SLC12A7: variants seen among roughly 807,000 people sequenced by gnomAD.
SLC12A7 encodes K-Cl cotransporter 4.
SLC12A7 carries 100 observed loss-of-function variants against 120.6 expected under a neutral mutation model. The ratio of observed to expected loss-of-function variants is 0.83; its 90% CI spans 0.71 to 0.98. The LOEUF (loss-of-function observed/expected upper bound fraction) is 0.98. Ranked by LOEUF, SLC12A7 falls within the 50% of genes least tolerant of loss-of-function variation. SLC12A7 has a pLI of 0.00. For synonymous variants in SLC12A7, 760 were observed against 678.0 expected (o/e 1.12, Z -1.88); for missense variants, 1,373 against 1,548.1 (o/e 0.89, Z 1.90).
the SLC12A7 span, among the ~76,000 whole-genome samples, chr5:1,153,790 C>G: frequency 1.1e-3 from 163 of 152,294 alleles, no homozygotes; most frequent in Non-Finnish European, 2.0e-3. Context: ...AACGTGCACC[C>G]TGGTGAGCAG....
intron 20 of SLC12A7, 103 bp from the exon 21 acceptor site, chr5:1,060,554 A>T: frequency 2.3e-6 from 2 of 858,468 alleles, no homozygotes; most frequent in Non-Finnish European, 3.8e-6. Flanking sequence ...GAGCGGTGGG[A>T]AAGGCCACGC....
the SLC12A7 span, among the ~76,000 whole-genome samples, chr5:1,140,294 C>T: frequency 5.3e-5 from 8 of 152,330 alleles, no homozygotes; most frequent in African/African-American, 1.7e-4. Context: ...ACATCCCAGG[C>T]GATGAGGCAT....
chr5:1,144,191 C>T, the SLC12A7 span, among the ~76,000 whole-genome samples: 3 of 152,248 alleles, frequency 2.0e-5, no homozygotes, highest in South Asian at 2.1e-4. Flanking sequence ...TGGACGCACC[C>T]GCCAACCTCA....
intron 1 of SLC12A7, among the ~76,000 whole-genome samples, chr5:1,099,852 C>A (rs35801134): frequency 0.36 from 54,920 of 152,078 alleles, 11,470 homozygotes; most frequent in Non-Finnish European, 0.47. Context: ...CCCTTCACAA[C>A]CACCACGGTC....
intron 8 of SLC12A7, among the ~76,000 whole-genome samples, chr5:1,083,439 C>T (rs888240209): frequency 9.2e-5 from 14 of 152,232 alleles, no homozygotes; most frequent in African/African-American, 3.1e-4. Flanking sequence ...GCTACCACTC[C>T]CTTCTTAACA....
At chr5:1,123,231 C>T in the SLC12A7 span, among the ~76,000 whole-genome samples, 10 of 152,178 alleles carry the variant, frequency 6.6e-5, no homozygotes, top group Non-Finnish European at 1.5e-4. Flanking sequence ...GAGGCAGTGG[C>T]TTGCCCTGGG....
rs1345330493 is a variant in SLC12A7 at position 1,061,056 on chromosome 5, CCGCCG to C, written c.2740-610_2740-606del. On this transcript the variant is annotated intron_variant, in intron 20 of 23. Transcript: ENST00000264930. ...GCCGTGCGGGATCCCTGAGTCTCAC[CCGCCG>C]CACCCGCCGCACCTGCCGCATCCGC... Among the ~76,000 whole-genome samples the C allele has an allele frequency of 2.5e-3, 312 of 125,318 alleles. 5 individuals are homozygous for C. Among genetic ancestry groups the C allele is most frequent in the East Asian group, 6.3e-3 (25 of 3,964 alleles). The allele number at this position is 125,318 out of a possible 152,430, so 82.2% of individuals were successfully genotyped here.
chr5:1,065,409 G>A lies in SLC12A7; in HGVS notation c.2311C>T (p.Arg771Trp), dbSNP rs750031509. 33 of 1,612,320 alleles carry A rather than the reference G, an allele frequency of 2.0e-5. No individual in the cohort carries two copies. The highest frequency in any genetic ancestry group is 4.4e-5 in the South Asian group (4 of 91,014). ...TGGATCAGGTGGGACATGCCATCCC[G>A]CAGGCTGGACGAGACCACCAGCTGG... ...FCQLVVSSSL[R>W]DGMSHLIQSA... is the part of the protein sequence containing the mutation. The change falls in exon 18 of 24, where the codon CGG becomes TGG. Residue 771 changes from arginine (R) to tryptophan (W), a missense_variant. Physicochemically the swap from Arg to Trp is moderately radical, Grantham distance 101. Transcript: ENST00000264930.
At chr5:1,115,240 G>A (rs192815392), upstream of SLC12A7, among the ~76,000 whole-genome samples, 26 of 152,370 alleles carry the variant, frequency 1.7e-4, no homozygotes, top group South Asian at 2.3e-3. Flanking sequence ...CGAAAGTGTA[G>A]CCGATGGTGG....
intron 17 of SLC12A7, among the ~76,000 whole-genome samples, chr5:1,068,429 G>A (rs1737286771): frequency 6.6e-6 from 1 of 152,160 alleles, no homozygotes; most frequent in Admixed American, 6.5e-5. Flanking sequence ...GGGAGACTCT[G>A]TCTCAAAAAA....
the SLC12A7 span, among the ~76,000 whole-genome samples, chr5:1,134,862 G>A: frequency 2.0e-5 from 3 of 152,252 alleles, no homozygotes; most frequent in East Asian, 1.9e-4. Context: ...GGCCAGGCGC[G>A]GTGGCTCATC....
the SLC12A7 span, among the ~76,000 whole-genome samples, chr5:1,137,570 A>G: frequency 6.6e-6 from 1 of 151,944 alleles, no homozygotes; most frequent in African/African-American, 2.4e-5. Flanking sequence ...AGACCCCCCG[A>G]GCAGGCACTG....
Position 1,077,999 on chromosome 5 carries a change from T to C in SLC12A7, c.1463A>G (p.Glu488Gly). The C allele has an allele frequency of 3.8e-6, 6 of 1,564,206 alleles. No individual in the cohort carries two copies. The highest frequency in any genetic ancestry group is 5.2e-6 in the Non-Finnish European group (6 of 1,156,546). ...EGVVLRDKFG[E>G]ALQGNLVIGM... is the part of the protein sequence containing the mutation. ...GATGACCAGGTTCCCCTGCAGGGCCTCCCCGAACCTGCAGGCAGGCGGGCA... is the reference window on the plus strand; with the variant it reads ...GATGACCAGGTTCCCCTGCAGGGCCCCCCCGAACCTGCAGGCAGGCGGGCA... Residue 488 changes from glutamate (E) to glycine (G), a missense_variant, in exon 12 of 24, where the codon GAG becomes GGG. Glu to Gly is a moderately conservative substitution (Grantham distance 98). Transcript: ENST00000264930.
At chr5:1,127,418 G>T in the SLC12A7 span, among the ~76,000 whole-genome samples, 1 of 152,208 alleles carries the variant, frequency 6.6e-6, no homozygotes, top group East Asian at 1.9e-4. Flanking sequence ...ACAGACCCAG[G>T]GATGCCTGGA....
At chr5:1,057,857 C>A (rs1032841078) in intron 21 of SLC12A7, among the ~76,000 whole-genome samples, 1 of 152,172 alleles carries the variant, frequency 6.6e-6, no homozygotes, top group African/African-American at 2.4e-5. Flanking sequence ...ACCAAACGCT[C>A]ACCCCCTCAC....
rs573898641 is a variant in SLC12A7 at position 1,093,753 on chromosome 5, G to C, written c.220-98C>G. The C allele has an allele frequency of 1.0e-5, 16 of 1,530,442 alleles. No homozygotes were observed. In the East Asian group the frequency reaches 2.6e-4, roughly 25 times the overall value. 94.8% of individuals were successfully genotyped at this position (1,530,442 alleles called of 1,614,324 possible). On this transcript the variant is annotated intron_variant, in intron 2 of 23. Coordinates refer to ENST00000264930, the MANE Select transcript of SLC12A7 (RefSeq NM_006598.3). ...AGGGTGTGGAGCTCAGGCCCTCCCC[G>C]GGTCCTCAGCCCCTGGGTCTGAAGC...
At chr5:1,139,328 T>C in the SLC12A7 span, among the ~76,000 whole-genome samples, 5 of 152,220 alleles carry the variant, frequency 3.3e-5, no homozygotes, top group Non-Finnish European at 5.9e-5. Context: ...CCAGCCCTGG[T>C]GGGGAGCAGC....
chr5:1,064,857 GGCGAGGGGACA>G (rs1259261166), intron 18 of SLC12A7, among the ~76,000 whole-genome samples: 4 of 129,670 alleles, frequency 3.1e-5, no homozygotes, highest in African/African-American at 1.1e-4. Flanking sequence ...GCGAGGAGAC[GGCGAGGGGACA>G]GCGAGGGGAC....
At chr5:1,119,237 A>T in the SLC12A7 span, among the ~76,000 whole-genome samples, 1 of 152,184 alleles carries the variant, frequency 6.6e-6, no homozygotes, top group African/African-American at 2.4e-5. Flanking sequence ...TGCGTTTTCT[A>T]AACATTCAGC....
Sources: allele counts gnomAD v4.1 joint callset (sites outside exome capture counted in the v4.1 genomes callset), GRCh38; gene constraint gnomAD v4.1.1; transcripts MANE v1.5; gene names NCBI Gene and HGNC (gene_info 2026-07-23, HGNC 2026-07-21).